Variants in PAM observed in about 807,000 individuals in gnomAD.
PAM encodes the protein peptidyl-glycine alpha-amidating monooxygenase.
PAM carries 72 observed loss-of-function variants against 122.1 expected under a neutral mutation model. That is an observed-to-expected ratio of 0.59 (90% CI 0.49 to 0.72). The LOEUF (loss-of-function observed/expected upper bound fraction) is 0.72. PAM is among the 30% of genes least tolerant of loss of function. PAM has a pLI of 0.00. For missense variants in PAM, 1,106 were observed against 1,183.7 expected (o/e 0.93, Z 0.96); for synonymous variants, 389 against 404.4 (o/e 0.96, Z 0.46).
At chr5:102,895,650 A>G (rs1370921470) in intron 3 of PAM, among the ~76,000 whole-genome samples, 1 of 151,738 alleles carries the variant, frequency 6.6e-6, no homozygotes, top group African/African-American at 2.4e-5. Context: ...ATAGAATGCA[A>G]CTTTGGCAGT....
At chr5:102,873,079 A>C (rs1471338048) in intron 3 of PAM, among the ~76,000 whole-genome samples, 2 of 150,028 alleles carry the variant, frequency 1.3e-5, no homozygotes, top group South Asian at 2.1e-4. Flanking sequence ...TAAAAGTTAC[A>C]AAAAAAAAAT....
At chr5:102,807,013 T>G (rs1196673339) in intron 1 of PAM, among the ~76,000 whole-genome samples, 1 of 152,248 alleles carries the variant, frequency 6.6e-6, no homozygotes, top group Non-Finnish European at 1.5e-5. Context: ...ATAGTTTCTT[T>G]GAACTAGCTG....
At chr5:102,943,620 C>A (rs1181381838) in intron 7 of PAM, among the ~76,000 whole-genome samples, 1 of 151,990 alleles carries the variant, frequency 6.6e-6, no homozygotes, top group East Asian at 1.9e-4. Context: ...ATATTTGATA[C>A]TCAGATGTGT....
intron 1 of PAM, among the ~76,000 whole-genome samples, chr5:102,854,557 T>G (rs1003972687): frequency 6.6e-6 from 1 of 152,166 alleles, no homozygotes; most frequent in Non-Finnish European, 1.5e-5. Flanking sequence ...GAAGTCCACC[T>G]CGGATGTGTC....
intron 1 of PAM, among the ~76,000 whole-genome samples, chr5:102,811,385 C>A (rs1247573769): frequency 6.6e-6 from 1 of 152,172 alleles, no homozygotes; most frequent in Non-Finnish European, 1.5e-5. Context: ...TCCTGGCCAC[C>A]TCCTTCCATC....
chr5:102,863,232 A>T (rs947167957), intron 1 of PAM, among the ~76,000 whole-genome samples: 1 of 152,176 alleles, frequency 6.6e-6, no homozygotes, highest in Non-Finnish European at 1.5e-5. Context: ...CTGCAGCTTG[A>T]GTCTAGGAGG....
chr5:102,915,035 C>T (rs1301054355), intron 5 of PAM, among the ~76,000 whole-genome samples: 1 of 152,018 alleles, frequency 6.6e-6, no homozygotes, highest in Non-Finnish European at 1.5e-5. Context: ...GAGATTGTCC[C>T]TCTCATTTTG....
At chr5:102,823,173 C>T (rs1205640849) in intron 1 of PAM, among the ~76,000 whole-genome samples, 1 of 152,154 alleles carries the variant, frequency 6.6e-6, no homozygotes, top group East Asian at 1.9e-4. Flanking sequence ...TTGTCTTAGT[C>T]TCAGGCTTTA....
At chr5:103,020,048 C>T (rs1783124136) in intron 23 of PAM, among the ~76,000 whole-genome samples, 1 of 151,692 alleles carries the variant, frequency 6.6e-6, no homozygotes, top group South Asian at 2.1e-4. Context: ...ATAATGAGCT[C>T]AAATTACTGA....
intron 7 of PAM, among the ~76,000 whole-genome samples, chr5:102,939,231 T>G (rs950136797): frequency 1.3e-5 from 2 of 152,144 alleles, no homozygotes; most frequent in African/African-American, 4.8e-5. Flanking sequence ...ATTATTCTTT[T>G]CATCCAGTTT....
intron 3 of PAM, among the ~76,000 whole-genome samples, chr5:102,891,350 G>A (rs1794731557): frequency 6.6e-6 from 1 of 151,832 alleles, no homozygotes; most frequent in East Asian, 1.9e-4. Flanking sequence ...TCCAAGAGCA[G>A]GCCAAAGAAT....
At chr5:102,779,721 C>T (rs1360934743) in intron 1 of PAM, among the ~76,000 whole-genome samples, 6 of 151,772 alleles carry the variant, frequency 4.0e-5, no homozygotes, top group African/African-American at 1.2e-4. Flanking sequence ...TCCCAGCCTA[C>T]ATTTTTCTCC....
intron 1 of PAM, among the ~76,000 whole-genome samples, chr5:102,853,897 G>A (rs975344045): frequency 4.6e-5 from 7 of 152,222 alleles, no homozygotes; most frequent in African/African-American, 1.2e-4. Flanking sequence ...CTATTGGTTT[G>A]AATTATATGT....
intron 15 of PAM, among the ~76,000 whole-genome samples, chr5:102,985,011 A>G (rs1289753409): frequency 6.7e-6 from 1 of 149,530 alleles, no homozygotes; most frequent in African/African-American, 2.6e-5. Flanking sequence ...TATGAAGGAA[A>G]TAAAAAAAAA....
chr5:102,996,203 T>A (rs556151385), intron 16 of PAM, among the ~76,000 whole-genome samples: 7 of 152,182 alleles, frequency 4.6e-5, no homozygotes, highest in African/African-American at 7.2e-5. Flanking sequence ...AAAGAACTGA[T>A]GAATTCCAGC....
chr5:102,857,123 TA>T (rs954726056), intron 1 of PAM, among the ~76,000 whole-genome samples: 1 of 151,852 alleles, frequency 6.6e-6, no homozygotes, highest in Non-Finnish European at 1.5e-5. Context: ...TGGCCAGTTA[TA>T]AAAAAAATAG....
chr5:102,906,440 G>T (rs1561840261), intron 4 of PAM, among the ~76,000 whole-genome samples: 1 of 151,594 alleles, frequency 6.6e-6, no homozygotes, highest in East Asian at 2.0e-4. Flanking sequence ...ATGCAAAGGG[G>T]TGAATATTTT....
chr5:102,830,632 G>T (rs1775159715), intron 1 of PAM, among the ~76,000 whole-genome samples: 1 of 152,186 alleles, frequency 6.6e-6, no homozygotes, highest in South Asian at 2.1e-4. Flanking sequence ...TTAGAAATCA[G>T]ATTCACTTTC....
chr5:103,006,172 T>C (rs980950864), intron 18 of PAM, among the ~76,000 whole-genome samples: 1 of 152,120 alleles, frequency 6.6e-6, no homozygotes, highest in East Asian at 1.9e-4. Context: ...CCTGGACTCA[T>C]GCAATCCACC....
Sources: gnomAD v4.1 joint callset for allele counts (sites outside exome capture counted in the v4.1 genomes callset) on GRCh38, gnomAD v4.1.1 for gene constraint, MANE v1.5 for transcripts, NCBI Gene and HGNC (gene_info 2026-07-23, HGNC 2026-07-21) for gene names.